The following PTAR1 variants were observed in gnomAD, a reference collection of about 807,000 sequenced individuals.
The protein encoded by PTAR1 is protein prenyltransferase alpha subunit repeat containing 1.
A neutral mutation model predicts 45.5 loss-of-function variants in PTAR1; 17 were observed. The ratio of observed to expected loss-of-function variants is 0.37; its 90% CI spans 0.26 to 0.56. The LOEUF (loss-of-function observed/expected upper bound fraction) is 0.56, where lower values mean the gene tolerates loss of function less well. Ranked by LOEUF, PTAR1 falls within the 20% of genes least tolerant of loss-of-function variation. The pLI is 0.77. For synonymous variants in PTAR1, 169 were observed against 171.3 expected, an observed-to-expected ratio of 0.99 and a Z score of 0.11; for missense variants, 391 against 476.3, an observed-to-expected ratio of 0.82 and a Z score of 1.67.
At position 69,715,462 on chromosome 9, in the gene PTAR1, A is replaced by G. The variant is rs1300831583; in HGVS notation, c.*2880T>C. ...CCGTACTGCCAAAATAGGTACACTA[A>G]AGTACACTAAGGTACACTAAAGGCG... On this transcript the variant is annotated 3_prime_UTR_variant, in exon 8 of 8. Transcript: ENST00000340434. 1 of 152,140 alleles carries G rather than the reference A, an allele frequency of 6.6e-6. No individual in the cohort carries two copies. Among genetic ancestry groups the G allele is most frequent in the African/African-American group, 2.4e-5 (1 of 41,450 alleles). The allele number at this position is 152,140 out of a possible 1,614,324, so 9.4% of individuals were successfully genotyped here.
chr9:69,710,093 G>A lies in PTAR1; in HGVS notation c.*8249C>T, dbSNP rs1387305726. 6.6e-6 allele frequency: 1 copy of A among 151,958 alleles called. No individual in the cohort carries two copies. Among genetic ancestry groups the A allele is most frequent in the Admixed American group, 6.6e-5 (1 of 15,254 alleles). The allele number at this position is 151,958 out of a possible 1,614,324, so 9.4% of individuals were successfully genotyped here. ...GAATTTTTAAAGTACCATAATTACA[G>A]GCCTACCTCACCATCTCCAAAGTTA... On this transcript the variant is annotated 3_prime_UTR_variant, in exon 8 of 8. Coordinates refer to ENST00000340434, the MANE Select transcript of PTAR1 (RefSeq NM_001099666.2).
At chr9:69,720,631 A>T (rs574487457) in intron 6 of PTAR1, among the ~76,000 whole-genome samples, 1 of 152,334 alleles carries the variant, frequency 6.6e-6, no homozygotes, top group African/African-American at 2.4e-5. Context: ...GCCATCTAGG[A>T]CTTTCATAGC....
In PTAR1 at chr9:69,715,778, T is replaced by C. The variant is rs1482043863; in HGVS notation, c.*2564A>G. Reference sequence around the variant, plus strand: ...AACCACTTAGGAAAAAAACCAACCATATAGGGCAATATTAGGATTTTCTGT... The same window carrying C: ...AACCACTTAGGAAAAAAACCAACCACATAGGGCAATATTAGGATTTTCTGT... On this transcript the variant is annotated 3_prime_UTR_variant, in exon 8 of 8. Coordinates refer to ENST00000340434, the MANE Select transcript of PTAR1 (RefSeq NM_001099666.2). 3 of 152,026 alleles carry C rather than the reference T, an allele frequency of 2.0e-5. No homozygotes were observed. Among genetic ancestry groups the C allele is most frequent in the African/African-American group, 4.8e-5 (2 of 41,408 alleles). The allele number at this position is 152,026 out of a possible 1,614,324, so 9.4% of individuals were successfully genotyped here. A position where few individuals can be genotyped will look rare whatever the true frequency, so the allele number is the denominator to read the frequency against.
Position 69,718,557 on chromosome 9 carries a change from G to C in PTAR1, c.994C>G (p.Leu332Val). ...CCATCTACTTCCATTGCTTGAGACA[G>C]CTGGGAGCCTGCTGGGATAAGGTGC... ...LQHHLNAGSQ[L>V]SQAMEVDGLN... The change falls in exon 8 of 8, where the codon CTG becomes GTG. Residue 332 changes from leucine (L) to valine (V), a missense_variant. By Grantham distance (32) the Leu-to-Val change is conservative. Coordinates refer to ENST00000340434, the MANE Select transcript of PTAR1 (RefSeq NM_001099666.2). The C allele has an allele frequency of 6.2e-7, 1 of 1,613,722 alleles. No homozygotes were observed. The highest frequency in any genetic ancestry group is 8.5e-7 in the Non-Finnish European group (1 of 1,179,712).
At chr9:69,755,781 T>C (rs965591571) in intron 1 of PTAR1, among the ~76,000 whole-genome samples, 1 of 152,182 alleles carries the variant, frequency 6.6e-6, no homozygotes, top group Non-Finnish European at 1.5e-5. Flanking sequence ...CCTTATAGGC[T>C]TTCTCATTAA....
intron 2 of PTAR1, among the ~76,000 whole-genome samples, chr9:69,747,509 T>C (rs1402021723): frequency 6.6e-6 from 1 of 152,214 alleles, no homozygotes; most frequent in African/African-American, 2.4e-5. Flanking sequence ...AAATAGCTGC[T>C]AACATAAATG....
chr9:69,720,910 CTA>C lies in PTAR1; in HGVS notation c.948-2228_948-2227del, dbSNP rs373817740. ...CTTCCAAAATATTACTGCGCATTGA[CTA>C]TGCACCTAGTCATGTGAGAGCTCTG... On this transcript the variant is annotated intron_variant, in intron 6 of 7. Transcript: ENST00000340434. Among the ~76,000 whole-genome samples, 381 of 152,312 alleles carry C rather than the reference CTA, an allele frequency of 2.5e-3. 1 individual carries two copies. The highest frequency in any genetic ancestry group is 8.6e-3 in the African/African-American group (358 of 41,564).
rs1824622439 is a variant in PTAR1, at chr9:69,713,900, G to C, written c.*4442C>G. 1 of 152,074 alleles carries C rather than the reference G, an allele frequency of 6.6e-6. No individual in the cohort carries two copies. Among genetic ancestry groups the C allele is most frequent in the African/African-American group, 2.4e-5 (1 of 41,422 alleles). The allele number at this position is 152,074 out of a possible 1,614,324, so 9.4% of individuals were successfully genotyped here. On this transcript the variant is annotated 3_prime_UTR_variant, in exon 8 of 8. Coordinates refer to ENST00000340434, the MANE Select transcript of PTAR1 (RefSeq NM_001099666.2). ...ACCCTACGGGGCCATGCCTAGCGATGGGAATAAATAAAACAATGGGCCACA... is the reference window on the plus strand; with the variant it reads ...ACCCTACGGGGCCATGCCTAGCGATCGGAATAAATAAAACAATGGGCCACA...
At chr9:69,737,278 A>G (rs1443431307) in intron 3 of PTAR1, among the ~76,000 whole-genome samples, 1 of 152,076 alleles carries the variant, frequency 6.6e-6, no homozygotes, top group African/African-American at 2.4e-5. Flanking sequence ...ACAGGGTCTC[A>G]CCATGTTGCC....
intron 6 of PTAR1, among the ~76,000 whole-genome samples, chr9:69,721,323 T>C (rs1824992722): frequency 6.6e-6 from 1 of 152,076 alleles, no homozygotes; most frequent in South Asian, 2.1e-4. Context: ...AAGTGGGGCG[T>C]GAAGATGTGA....
intron 5 of PTAR1, among the ~76,000 whole-genome samples, chr9:69,729,840 T>C (rs1467300428): frequency 6.6e-6 from 1 of 152,198 alleles, no homozygotes; most frequent in African/African-American, 2.4e-5. Context: ...CTCTTAAAAA[T>C]AACACCCTAT....
At position 69,718,173 on chromosome 9, in the gene PTAR1, C is replaced by G; in HGVS notation, c.*169G>C. On this transcript the variant is annotated 3_prime_UTR_variant, in exon 8 of 8. Coordinates refer to ENST00000340434, the MANE Select transcript of PTAR1 (RefSeq NM_001099666.2). ...GATTATTTTATCCCCACAGGAATGC[C>G]AGTTATTAACAAAATAAATAAAATG... The G allele has an allele frequency of 1.9e-6, 1 of 527,282 alleles. No homozygotes were observed. The allele number at this position is 527,282 out of a possible 1,614,324, so 32.7% of individuals were successfully genotyped here. A position where few individuals can be genotyped will look rare whatever the true frequency, so the allele number is the denominator to read the frequency against.
chr9:69,753,528 A>AT (rs1190773171), intron 1 of PTAR1, among the ~76,000 whole-genome samples: 3 of 152,180 alleles, frequency 2.0e-5, no homozygotes, highest in Non-Finnish European at 4.4e-5. Context: ...ATATACATAC[A>AT]TATCAGTATC....
chr9:69,738,620 A>G (rs1378534683), intron 3 of PTAR1, among the ~76,000 whole-genome samples: 2 of 152,024 alleles, frequency 1.3e-5, no homozygotes, highest in Non-Finnish European at 2.9e-5. Flanking sequence ...ATATCCCACC[A>G]TATATTTTTG....
intron 1 of PTAR1, among the ~76,000 whole-genome samples, chr9:69,755,348 T>C (rs1172221547): frequency 6.6e-6 from 1 of 152,228 alleles, no homozygotes; most frequent in Non-Finnish European, 1.5e-5. Flanking sequence ...GATCCATTCA[T>C]TGGCTTCCAG....
At chr9:69,737,190 C>T (rs1825826567) in intron 3 of PTAR1, among the ~76,000 whole-genome samples, 1 of 151,972 alleles carries the variant, frequency 6.6e-6, no homozygotes, top group African/African-American at 2.4e-5. Flanking sequence ...AGTGATCCTC[C>T]TGCCTCAGCC....
At chr9:69,729,121 A>C (rs1825418366) in intron 5 of PTAR1, among the ~76,000 whole-genome samples, 1 of 152,070 alleles carries the variant, frequency 6.6e-6, no homozygotes, top group Non-Finnish European at 1.5e-5. Flanking sequence ...GGAGTTCAAG[A>C]CCAGCCTGAC....
Position 69,734,254 on chromosome 9 carries a change from C to T in PTAR1, c.324G>A (p.Arg108=). Residue 108 remains arginine, a splice_region_variant and synonymous_variant, in exon 4 of 8, where the codon AGG becomes AGA. Transcript: ENST00000340434. ...AAGTGCCAGAGAGGATCAGCTCTTT[C>T]CTGTAAAAAAAAAAAAAAAAAAAAA... ...NPDFTTAWNV[R]KELILSGTLN... The T allele has an allele frequency of 2.1e-6, 1 of 481,864 alleles. No homozygotes were observed. The highest frequency in any genetic ancestry group is 3.4e-6 in the Non-Finnish European group (1 of 292,312). 29.8% of individuals were successfully genotyped at this position (481,864 alleles called of 1,614,324 possible).
At chr9:69,719,720 CAA>C (rs1824898711) in intron 6 of PTAR1, among the ~76,000 whole-genome samples, 2 of 152,132 alleles carry the variant, frequency 1.3e-5, no homozygotes, top group Non-Finnish European at 2.9e-5. Flanking sequence ...AATCTTGTGT[CAA>C]GCAAGTCTAT....
Sources: allele counts gnomAD v4.1 joint callset (sites outside exome capture counted in the v4.1 genomes callset), GRCh38; gene constraint gnomAD v4.1.1; transcripts MANE v1.5; gene names NCBI Gene and HGNC (gene_info 2026-07-23, HGNC 2026-07-21).